PALLD: variants seen among roughly 807,000 people sequenced by gnomAD.
The protein encoded by PALLD is palladin.
In PALLD, 61 loss-of-function variants were observed where a neutral mutation model predicts 123.5. That is an observed-to-expected ratio of 0.49 (90% CI 0.40 to 0.61). The LOEUF is 0.61. Among genes scored for constraint, PALLD ranks in the 20% least tolerant of loss-of-function variants. The probability of loss-of-function intolerance (pLI) is 0.00; values close to 1 mark genes in which losing one functional copy is unlikely to be tolerated. For missense variants in PALLD, 1,273 were observed against 1,377.0 expected, an observed-to-expected ratio of 0.92 and a Z score of 1.20; for synonymous variants, 465 against 496.4, an observed-to-expected ratio of 0.94 and a Z score of 0.84.
intron 1 of PALLD, among the ~76,000 whole-genome samples, chr4:168,500,033 A>G (rs2712150): frequency 0.68 from 103,757 of 152,140 alleles, 35,495 homozygotes; most frequent in East Asian, 0.77. Flanking sequence ...TGAGTCTGCC[A>G]CTTTCTGATG....
At chr4:168,668,808 AC>A (rs1274490003) in intron 3 of PALLD, among the ~76,000 whole-genome samples, 2 of 152,070 alleles carry the variant, frequency 1.3e-5, no homozygotes, top group Non-Finnish European at 1.5e-5. Context: ...TTTTGTTAAG[AC>A]CCCATTATTC....
chr4:168,538,199 A>G (rs960827859), intron 2 of PALLD, among the ~76,000 whole-genome samples: 4 of 152,212 alleles, frequency 2.6e-5, no homozygotes, highest in African/African-American at 9.6e-5. Flanking sequence ...TGATAATTGA[A>G]AATGTATAGA....
chr4:168,713,648 G>C (rs1704264781), intron 10 of PALLD, among the ~76,000 whole-genome samples: 1 of 152,128 alleles, frequency 6.6e-6, no homozygotes, highest in African/African-American at 2.4e-5. Context: ...AATATCTACA[G>C]AATGTAGACA....
intron 2 of PALLD, among the ~76,000 whole-genome samples, chr4:168,622,162 A>G (rs1774825902): frequency 6.6e-6 from 1 of 152,160 alleles, no homozygotes; most frequent in Admixed American, 6.6e-5. Context: ...ACACACATAC[A>G]CACAGCCCCT....
intron 2 of PALLD, among the ~76,000 whole-genome samples, chr4:168,546,271 C>T (rs1239529055): frequency 2.0e-5 from 3 of 151,814 alleles, no homozygotes; most frequent in Admixed American, 1.3e-4. Context: ...CAGAACATAT[C>T]GGAAGCCAGT....
chr4:168,711,963 C>G (rs898930760), intron 10 of PALLD, 40 bp downstream of exon 10: 2 of 1,541,132 alleles, frequency 1.3e-6, no homozygotes, highest in East Asian at 4.5e-5. Flanking sequence ...TTTCCATACC[C>G]CTGTTACATT....
intron 16 of PALLD, 90 bp from the exon 17 acceptor site, chr4:168,915,805 C>A (rs1582149636): frequency 3.1e-6 from 3 of 958,906 alleles, no homozygotes; most frequent in African/African-American, 1.6e-5. Context: ...CATATTATTA[C>A]CCCATGTATT....
chr4:168,769,313 C>T (rs1214329783), intron 10 of PALLD, among the ~76,000 whole-genome samples: 1 of 152,176 alleles, frequency 6.6e-6, no homozygotes, highest in East Asian at 1.9e-4. Context: ...CTCACAGTGA[C>T]GTGGAAAACT....
intron 2 of PALLD, among the ~76,000 whole-genome samples, chr4:168,529,021 C>G (rs983476672): frequency 2.6e-5 from 4 of 152,250 alleles, no homozygotes; most frequent in African/African-American, 9.6e-5. Flanking sequence ...AAGGAGGAAG[C>G]ACCTAACATA....
chr4:168,650,366 A>G (rs1304966475), intron 2 of PALLD, among the ~76,000 whole-genome samples: 6 of 152,188 alleles, frequency 3.9e-5, no homozygotes, highest in African/African-American at 1.4e-4. Flanking sequence ...CCACGATGGT[A>G]TAGAATAGAA....
chr4:168,755,236 A>G lies in PALLD; in HGVS notation c.1964+43313A>G, dbSNP rs1049381001. ...CGAGAGAGCAAGACTCCGTCTCAAAAAAAAAAAAAAAAAAAGGGCAGGGTA... is the reference window on the plus strand; with the variant it reads ...CGAGAGAGCAAGACTCCGTCTCAAAGAAAAAAAAAAAAAAAGGGCAGGGTA... On this transcript the variant is annotated intron_variant, in intron 10 of 21. Transcript: ENST00000505667. Among the ~76,000 whole-genome samples, 870 of 150,698 alleles carry G rather than the reference A, an allele frequency of 5.8e-3. 5 individuals carry two copies. The highest frequency in any genetic ancestry group is 0.01 in the Middle Eastern group (3 of 292).
chr4:168,862,198 G>C (rs1749588696), intron 10 of PALLD, among the ~76,000 whole-genome samples: 1 of 152,162 alleles, frequency 6.6e-6, no homozygotes, highest in Non-Finnish European at 1.5e-5. Context: ...ACAGGATCTT[G>C]TTCTGTCATC....
chr4:168,923,784 G>C (rs1362474934), intron 18 of PALLD, among the ~76,000 whole-genome samples: 1 of 152,120 alleles, frequency 6.6e-6, no homozygotes, highest in Non-Finnish European at 1.5e-5. Context: ...TCTCACTTAA[G>C]AGTTACAAAT....
At chr4:168,553,725 T>C (rs1252961131) in intron 2 of PALLD, among the ~76,000 whole-genome samples, 1 of 152,172 alleles carries the variant, frequency 6.6e-6, no homozygotes, top group Non-Finnish European at 1.5e-5. Flanking sequence ...TGCTTTGTTT[T>C]TTTGGACTGT....
At chr4:168,673,365 G>C (rs1331114209) in intron 3 of PALLD, among the ~76,000 whole-genome samples, 3 of 152,216 alleles carry the variant, frequency 2.0e-5, no homozygotes, top group African/African-American at 7.2e-5. Context: ...AGTAGGGAAG[G>C]CTGGGGAAAG....
chr4:168,678,887 G>C (rs1392250680), intron 3 of PALLD, among the ~76,000 whole-genome samples: 1 of 148,434 alleles, frequency 6.7e-6, no homozygotes, highest in Non-Finnish European at 1.5e-5. Flanking sequence ...GTGTGTGGTG[G>C]TGTGGTGAGG....
At chr4:168,635,564 A>G (rs1409275486) in intron 2 of PALLD, among the ~76,000 whole-genome samples, 3 of 152,230 alleles carry the variant, frequency 2.0e-5, no homozygotes, top group African/African-American at 7.2e-5. Context: ...CCATAGTCTA[A>G]TAGTCCATTA....
At chr4:168,567,294 T>G (rs1203159136) in intron 2 of PALLD, among the ~76,000 whole-genome samples, 1 of 152,036 alleles carries the variant, frequency 6.6e-6, no homozygotes, top group Non-Finnish European at 1.5e-5. Flanking sequence ...GACTAATAAT[T>G]GGAATCTACA....
intron 2 of PALLD, among the ~76,000 whole-genome samples, chr4:168,603,503 T>G (rs1208390977): frequency 6.6e-6 from 1 of 152,198 alleles, no homozygotes; most frequent in African/African-American, 2.4e-5. Flanking sequence ...TTTAATAACT[T>G]CAGGAAAGAC....
Sources: allele counts gnomAD v4.1 joint callset (sites outside exome capture counted in the v4.1 genomes callset), GRCh38; gene constraint gnomAD v4.1.1; transcripts MANE v1.5; gene names NCBI Gene and HGNC (gene_info 2026-07-23, HGNC 2026-07-21).